Variants in ACBD6 observed in about 807,000 individuals in gnomAD.
ACBD6 encodes acyl-CoA-binding domain-containing protein 6.
Under a neutral mutation model 37.2 loss-of-function variants are expected in ACBD6, and 28 were observed. The observed-to-expected ratio is 0.75, with a 90% CI of 0.56 to 1.03. The LOEUF (loss-of-function observed/expected upper bound fraction) is 1.03, where lower values mean the gene tolerates loss of function less well. Ranked by LOEUF, ACBD6 falls within the 50% of genes least tolerant of loss-of-function variation. The pLI, the probability that ACBD6 is intolerant of heterozygous loss-of-function variation, is 0.00. For missense variants in ACBD6, 340 were observed against 337.4 expected, an observed-to-expected ratio of 1.01 and a Z score of -0.06; for synonymous variants, 113 against 126.8, an observed-to-expected ratio of 0.89 and a Z score of 0.73.
intron 4 of ACBD6, among the ~76,000 whole-genome samples, chr1:180,414,189 G>A (rs1647984523): frequency 1.3e-5 from 2 of 152,134 alleles, no homozygotes; most frequent in South Asian, 4.1e-4. Context: ...TATGTATAGG[G>A]GGAAGAATTG....
chr1:180,437,230 T>C (rs1294610446), intron 3 of ACBD6, among the ~76,000 whole-genome samples: 4 of 152,192 alleles, frequency 2.6e-5, no homozygotes, highest in African/African-American at 9.7e-5. Flanking sequence ...AGAACTCAGT[T>C]GAACCCAAAG....
At chr1:180,426,576 CCCTT>C (rs1242980260) in intron 4 of ACBD6, among the ~76,000 whole-genome samples, 2 of 152,196 alleles carry the variant, frequency 1.3e-5, no homozygotes, top group South Asian at 4.1e-4. Context: ...TATTGGCTCT[CCCTT>C]CCTTGTTTTC....
intron 7 of ACBD6, among the ~76,000 whole-genome samples, chr1:180,292,007 T>C (rs1649726364): frequency 6.6e-6 from 1 of 152,236 alleles, no homozygotes; most frequent in Admixed American, 6.5e-5. Flanking sequence ...TGGATCTATT[T>C]CTAGGTTATC....
intron 5 of ACBD6, among the ~76,000 whole-genome samples, chr1:180,403,013 G>A (rs1404589335): frequency 6.6e-6 from 1 of 152,110 alleles, no homozygotes; most frequent in Non-Finnish European, 1.5e-5. Flanking sequence ...CAGTATAAAA[G>A]AAGGAAGTAC....
At chr1:180,376,858 C>G (rs1184958394) in intron 6 of ACBD6, among the ~76,000 whole-genome samples, 3 of 152,016 alleles carry the variant, frequency 2.0e-5, no homozygotes, top group Non-Finnish European at 4.4e-5. Flanking sequence ...AACATTAAAG[C>G]CAACCATGTA....
At chr1:180,476,595 G>A (rs1650800502) in intron 3 of ACBD6, among the ~76,000 whole-genome samples, 1 of 152,162 alleles carries the variant, frequency 6.6e-6, no homozygotes, top group Admixed American at 6.5e-5. Flanking sequence ...GAAGGCCAAG[G>A]CAGGCGGATC....
At chr1:180,271,778 G>A (rs549852121) in exon 14 of ACBD6, 2 of 1,600,268 alleles carry the variant, frequency 1.2e-6, no homozygotes, top group East Asian at 4.5e-5. Flanking sequence ...GGGGTCCTGG[G>A]GGCTTTGGGT....
At chr1:180,337,299 T>A (rs1277356852) in intron 6 of ACBD6, among the ~76,000 whole-genome samples, 3 of 152,078 alleles carry the variant, frequency 2.0e-5, no homozygotes, top group Admixed American at 1.3e-4. Context: ...AAAAAGCTTA[T>A]CCACTGTGAT....
chr1:180,382,236 C>T (rs1653685353), intron 6 of ACBD6, among the ~76,000 whole-genome samples: 1 of 150,706 alleles, frequency 6.6e-6, no homozygotes, highest in African/African-American at 2.4e-5. Context: ...AACAAAAAAC[C>T]CAAAACCAAA....
intron 6 of ACBD6, among the ~76,000 whole-genome samples, chr1:180,372,716 T>C (rs1323727650): frequency 6.6e-6 from 1 of 152,182 alleles, no homozygotes; most frequent in Non-Finnish European, 1.5e-5. Context: ...TGGAATTTCA[T>C]ACATAGTGCT....
intron 4 of ACBD6, among the ~76,000 whole-genome samples, chr1:180,414,117 T>G (rs1236750132): frequency 1.3e-5 from 2 of 152,238 alleles, no homozygotes; most frequent in African/African-American, 4.8e-5. Context: ...ATGACATCTA[T>G]GAGCTCTCTA....
intron 5 of ACBD6, 90 bp downstream of exon 5, chr1:180,413,276 T>A: frequency 9.9e-6 from 9 of 911,736 alleles, no homozygotes; most frequent in Non-Finnish European, 1.6e-5. Flanking sequence ...GTACTTTGAG[T>A]TGTAGTTCAT....
At chr1:180,294,148 G>C (rs991128342) in intron 7 of ACBD6, among the ~76,000 whole-genome samples, 1 of 150,458 alleles carries the variant, frequency 6.6e-6, no homozygotes, top group South Asian at 2.2e-4. Context: ...GCCCGCCCCA[G>C]CCTCCCAAAG....
chr1:180,502,042 T>C lies in ACBD6; in HGVS notation c.222+3A>G. The C allele has an allele frequency of 6.2e-7, 1 of 1,613,388 alleles. No homozygotes were observed. Among genetic ancestry groups the C allele is most frequent in the Non-Finnish European group, 8.5e-7 (1 of 1,179,686 alleles). ...CCCATCCACCCTCTCCCTGCTACTTTACCTGTTTGTACCTGGCATACAGGT... is the reference window on the plus strand; with the variant it reads ...CCCATCCACCCTCTCCCTGCTACTTCACCTGTTTGTACCTGGCATACAGGT... On this transcript the variant is annotated splice_donor_region_variant and intron_variant, in intron 1 of 7. Transcript: ENST00000367595.
chr1:180,321,884 T>C (rs1651086528), intron 6 of ACBD6, among the ~76,000 whole-genome samples: 1 of 152,172 alleles, frequency 6.6e-6, no homozygotes. Flanking sequence ...GTCTGATTGC[T>C]CTAGCTAGGT....
chr1:180,477,978 T>TA lies in ACBD6; in HGVS notation c.384+14290dup, dbSNP rs58326495. ...GCAACATAGTGAGACTCCATCTCTT[T>TA]AAAAAAAAAAAATTCTTTTGCAAAA... On this transcript the variant is annotated intron_variant, in intron 3 of 7. Transcript: ENST00000367595. 4.1e-4 allele frequency among the ~76,000 whole-genome samples: 59 copies of TA among 145,040 alleles called. 1 individual carries two copies. The highest frequency in any genetic ancestry group is 3.6e-3 in the East Asian group (18 of 5,062).
chr1:180,418,682 C>T (rs1168093865), intron 4 of ACBD6, among the ~76,000 whole-genome samples: 1 of 152,056 alleles, frequency 6.6e-6, no homozygotes, highest in Admixed American at 6.6e-5. Context: ...CACTGAAAAC[C>T]CCCACTTCTA....
At chr1:180,458,359 G>A (rs1571538013) in intron 3 of ACBD6, among the ~76,000 whole-genome samples, 1 of 152,270 alleles carries the variant, frequency 6.6e-6, no homozygotes, top group African/African-American at 2.4e-5. Context: ...AGAACCTACT[G>A]TCTTAAACAC....
chr1:180,319,374 G>C (rs1323173812), intron 6 of ACBD6, among the ~76,000 whole-genome samples: 2 of 152,052 alleles, frequency 1.3e-5, no homozygotes, highest in African/African-American at 4.8e-5. Context: ...ATTTTTGTGG[G>C]TACACAGTAG....
Sources: allele counts gnomAD v4.1 joint callset (sites outside exome capture counted in the v4.1 genomes callset), GRCh38; gene constraint gnomAD v4.1.1; transcripts MANE v1.5; gene names NCBI Gene and HGNC (gene_info 2026-07-23, HGNC 2026-07-21).